Variants in CASR observed in about 807,000 individuals in gnomAD.
CASR encodes extracellular calcium-sensing receptor.
Under a neutral mutation model 69.1 loss-of-function variants are expected in CASR, and 23 were observed. The ratio of observed to expected loss-of-function variants is 0.33; its 90% CI spans 0.24 to 0.47. CASR has a LOEUF of 0.47. Among genes scored for constraint, CASR ranks in the 20% least tolerant of loss-of-function variants. The pLI is 1.00. For missense variants in CASR, 924 were observed against 1,356.1 expected (o/e 0.68, Z 5.00); for synonymous variants, 541 against 544.7 (o/e 0.99, Z 0.10).
intron 4 of CASR, among the ~76,000 whole-genome samples, chr3:122,263,135 T>C (rs1420693579): frequency 6.6e-6 from 1 of 152,226 alleles, no homozygotes; most frequent in Admixed American, 6.5e-5. Context: ...GTCTTGCATA[T>C]GTGCCTTATT....
Position 122,262,250 on chromosome 3 carries a change from G to C in CASR, c.1215G>C (p.Glu405Asp). Residue 405 changes from glutamate to aspartate, a missense_variant, in exon 4 of 7, where the codon GAG (glutamate) becomes GAC (aspartate). Physicochemically the swap from Glu to Asp is conservative, Grantham distance 45. Transcript: ENST00000639785. ...GGGATGAGAACATCAGCAGTGTCGA[G>C]ACCCCTTACATAGATTACACGCATT... Reference protein sequence around the residue: ...CTGDENISSVETPYIDYTHLR... With the variant: ...CTGDENISSVDTPYIDYTHLR... The C allele has an allele frequency of 6.2e-7, 1 of 1,614,176 alleles. No individual in the cohort carries two copies. Among genetic ancestry groups the C allele is most frequent in the Non-Finnish European group, 8.5e-7 (1 of 1,180,034 alleles).
In CASR at chr3:122,285,342, A is replaced by G. The variant is rs2074957712; in HGVS notation, c.*151A>G. ...ATTTAGTCACACCATCTTAAATGAC[A>G]GTGAATTGACCCATGTTCCCTTTAA... On this transcript the variant is annotated 3_prime_UTR_variant, in exon 7 of 7. Transcript: ENST00000639785. The G allele has an allele frequency of 4.3e-6, 3 of 699,828 alleles. No individual in the cohort carries two copies. The highest frequency in any genetic ancestry group is 2.5e-6 in the Non-Finnish European group (1 of 395,542). 43.4% of individuals were successfully genotyped at this position (699,828 alleles called of 1,614,324 possible).
At chr3:122,252,455 A>AAAGAAAGAAAGAAAGAAAGAAAG (rs879317403) in intron 1 of CASR, among the ~76,000 whole-genome samples, 1 of 100,606 alleles carries the variant, frequency 9.9e-6, no homozygotes, top group African/African-American at 4.1e-5. Flanking sequence ...GAAAAAAAAG[A>AAAGAAAGAAAGAAAGAAAGAAAG]AAAGAAAGAA....
chr3:122,223,426 T>G (rs2074192374), intron 1 of CASR, among the ~76,000 whole-genome samples: 3 of 152,104 alleles, frequency 2.0e-5, no homozygotes, highest in African/African-American at 7.2e-5. Flanking sequence ...AAAACCTCTA[T>G]GCACACAAAC....
At position 122,285,174 on chromosome 3, in the gene CASR, A is replaced by G. The variant is rs775066593; in HGVS notation, c.3220A>G (p.Asn1074Asp). The change falls in exon 7 of 7, where the codon AAC becomes GAC. Residue 1074 changes from asparagine to aspartate, a missense_variant. By Grantham distance (23) the Asn-to-Asp change is conservative. Transcript: ENST00000639785. ...TGGTGGAGGCAGCACTGTTACAGAA[A>G]ACGTAGTGAATTCATAAAATGGAAG... ...ISGGGSTVTE[N>D]VVNS is the part of the protein sequence containing the mutation. The G allele has an allele frequency of 5.6e-5, 91 of 1,614,082 alleles. 1 individual carries two copies. Among genetic ancestry groups the G allele is most frequent in the Middle Eastern group, 4.9e-4 (3 of 6,062 alleles).
intron 3 of CASR, 109 bp downstream of exon 3, chr3:122,257,496 A>G (rs1305690450): frequency 2.0e-5 from 15 of 765,126 alleles, no homozygotes; most frequent in Admixed American, 5.0e-5. Flanking sequence ...TCTCTGGCAC[A>G]AAAGACCTAT....
At chr3:122,235,135 C>T (rs1462244857) in intron 1 of CASR, among the ~76,000 whole-genome samples, 2 of 152,178 alleles carry the variant, frequency 1.3e-5, no homozygotes, top group Non-Finnish European at 2.9e-5. Flanking sequence ...GGGTCCCAGA[C>T]CTTCCCATCT....
intron 1 of CASR, among the ~76,000 whole-genome samples, chr3:122,209,121 C>T (rs1438752092): frequency 3.3e-5 from 5 of 152,280 alleles, no homozygotes; most frequent in Admixed American, 2.0e-4. Context: ...CCAGAGTTTA[C>T]GTGACTCAGT....
In CASR at chr3:122,285,831, G is replaced by C. The variant is rs201855028; in HGVS notation, c.*640G>C. On this transcript the variant is annotated 3_prime_UTR_variant, in exon 7 of 7. Coordinates refer to ENST00000639785, the MANE Select transcript of CASR (RefSeq NM_000388.4). ...AGGATCACAAGAATCACCTCAAATT[G>C]TTAGGAAGGGACTGCATAAACCAAT... 3 of 156,622 alleles carry C rather than the reference G, an allele frequency of 1.9e-5. No homozygotes were observed. Among genetic ancestry groups the C allele is most frequent in the Non-Finnish European group, 4.3e-5 (3 of 70,342 alleles). 9.7% of individuals were successfully genotyped at this position (156,622 alleles called of 1,614,324 possible).
At chr3:122,196,339 A>C (rs1374298229) in intron 1 of CASR, among the ~76,000 whole-genome samples, 1 of 152,142 alleles carries the variant, frequency 6.6e-6, no homozygotes, top group Admixed American at 6.5e-5. Context: ...AAACTGAAAG[A>C]GAAATGATAT....
chr3:122,284,626 G>A lies in CASR; in HGVS notation c.2672G>A (p.Arg891His), dbSNP rs533567836. 1.4e-5 allele frequency: 22 copies of A among 1,614,038 alleles called. No individual in the cohort carries two copies. Among genetic ancestry groups the A allele is most frequent in the Middle Eastern group, 1.6e-4 (1 of 6,062 alleles). ...GTGGCTGCCCGGGCCACGCTGCGCC[G>A]CAGCAACGTCTCCCGCAAGCGGTCC... ...FKVAARATLR[R>H]SNVSRKRSSS... The change falls in exon 7 of 7, where the codon CGC (arginine) becomes CAC (histidine). Residue 891 changes from arginine (R) to histidine (H), a missense_variant. Arg to His is a conservative substitution (Grantham distance 29). Transcript: ENST00000639785.
intron 4 of CASR, among the ~76,000 whole-genome samples, chr3:122,274,159 T>A (rs954905125): frequency 6.6e-6 from 1 of 151,964 alleles, no homozygotes; most frequent in African/African-American, 2.4e-5. Context: ...TAGCAGGGAG[T>A]GAGGGATCCC....
chr3:122,218,079 G>C (rs1392912287), intron 1 of CASR, among the ~76,000 whole-genome samples: 3 of 152,012 alleles, frequency 2.0e-5, no homozygotes, highest in South Asian at 2.1e-4. Flanking sequence ...AAGATGAACA[G>C]GTTTCTGTAT....
chr3:122,249,075 C>T (rs1255577247), intron 1 of CASR, among the ~76,000 whole-genome samples: 1 of 152,192 alleles, frequency 6.6e-6, no homozygotes, highest in Non-Finnish European at 1.5e-5. Flanking sequence ...CCAGGAATTG[C>T]CCAACCAGCC....
chr3:122,242,362 A>G (rs935680239), intron 1 of CASR, among the ~76,000 whole-genome samples: 2 of 152,194 alleles, frequency 1.3e-5, no homozygotes, highest in Non-Finnish European at 1.5e-5. Context: ...ACATACAAAA[A>G]CTAGTAGCAT....
intron 4 of CASR, among the ~76,000 whole-genome samples, chr3:122,270,733 T>A (rs1400475038): frequency 6.6e-6 from 1 of 152,228 alleles, no homozygotes; most frequent in Non-Finnish European, 1.5e-5. Context: ...ACGTTCCAAC[T>A]TTCCTTTTGA....
At chr3:122,263,281 C>A (rs1470667599) in intron 4 of CASR, among the ~76,000 whole-genome samples, 1 of 152,152 alleles carries the variant, frequency 6.6e-6, no homozygotes, top group African/African-American at 2.4e-5. Flanking sequence ...TCCAGCTCCC[C>A]CATTTCCTAG....
At chr3:122,202,413 A>AGAGGGAGAGGGAGACCGTGGAAAGG in intron 1 of CASR, among the ~76,000 whole-genome samples, 1 of 151,148 alleles carries the variant, frequency 6.6e-6, no homozygotes, top group African/African-American at 2.4e-5. Flanking sequence ...CCGTGGAAAG[A>AGAGGGAGAGGGAGACCGTGGAAAGG]GAGGGAGAGG....
chr3:122,226,482 A>C (rs144403557), intron 1 of CASR, among the ~76,000 whole-genome samples: 1 of 152,144 alleles, frequency 6.6e-6, no homozygotes, highest in Non-Finnish European at 1.5e-5. Flanking sequence ...AAGCTTCCAC[A>C]GCGTGGAAGG....
Sources: gnomAD v4.1 joint callset for allele counts (sites outside exome capture counted in the v4.1 genomes callset) on GRCh38, gnomAD v4.1.1 for gene constraint, MANE v1.5 for transcripts, NCBI Gene and HGNC (gene_info 2026-07-23, HGNC 2026-07-21) for gene names.